The following CDH18 variants were observed in gnomAD, a reference collection of about 807,000 sequenced individuals.
The protein encoded by CDH18 is cadherin-18.
A neutral mutation model predicts 67.9 loss-of-function variants in CDH18; 31 were observed. That is an observed-to-expected ratio of 0.46 (90% CI 0.34 to 0.62). The LOEUF (loss-of-function observed/expected upper bound fraction) is 0.62, where lower values mean the gene tolerates loss of function less well. Among genes scored for constraint, CDH18 ranks in the 20% least tolerant of loss-of-function variants. The pLI, the probability that CDH18 is intolerant of heterozygous loss-of-function variation, is 0.01. For synonymous variants in CDH18, 362 were observed against 347.2 expected, an observed-to-expected ratio of 1.04 and a Z score of -0.48; for missense variants, 890 against 975.5, an observed-to-expected ratio of 0.91 and a Z score of 1.17.
chr5:20,123,139 T>C (rs1347603955), intron 2 of CDH18, among the ~76,000 whole-genome samples: 1 of 151,744 alleles, frequency 6.6e-6, no homozygotes, highest in Non-Finnish European at 1.5e-5. Flanking sequence ...TTCCAAAATA[T>C]ATGGGGACTC....
chr5:20,354,572 T>G (rs1019314814), intron 1 of CDH18, among the ~76,000 whole-genome samples: 1 of 152,064 alleles, frequency 6.6e-6, no homozygotes, highest in Non-Finnish European at 1.5e-5. Context: ...TGGCGATTTT[T>G]TGTACAGGCA....
chr5:19,550,236 T>C (rs1737161861), intron 8 of CDH18, among the ~76,000 whole-genome samples: 1 of 152,248 alleles, frequency 6.6e-6, no homozygotes, highest in African/African-American at 2.4e-5. Flanking sequence ...TTATTCACCA[T>C]GTTAGACTTT....
intron 2 of CDH18, among the ~76,000 whole-genome samples, chr5:20,214,379 C>A (rs1740593713): frequency 6.6e-6 from 1 of 151,882 alleles, no homozygotes; most frequent in African/African-American, 2.4e-5. Context: ...CCCCTAATAC[C>A]AAGGCAGTCC....
chr5:19,652,221 T>G (rs1755681809), intron 5 of CDH18, among the ~76,000 whole-genome samples: 1 of 152,092 alleles, frequency 6.6e-6, no homozygotes, highest in Admixed American at 6.6e-5. Context: ...TGGGAATTTT[T>G]ATGTTATTAG....
chr5:19,894,752 A>T (rs1789124643), intron 2 of CDH18, among the ~76,000 whole-genome samples: 1 of 152,160 alleles, frequency 6.6e-6, no homozygotes, highest in South Asian at 2.1e-4. Flanking sequence ...GAAAGTCAGT[A>T]ACATTTGACC....
At chr5:20,341,867 AAGG>A (rs1235390480) in intron 1 of CDH18, among the ~76,000 whole-genome samples, 1 of 152,152 alleles carries the variant, frequency 6.6e-6, no homozygotes, top group Non-Finnish European at 1.5e-5. Flanking sequence ...CATGAGAAGC[AAGG>A]AGTTTAGTGA....
chr5:19,647,208 G>C (rs762878142), intron 5 of CDH18, among the ~76,000 whole-genome samples: 30 of 151,840 alleles, frequency 2.0e-4, no homozygotes, highest in Non-Finnish European at 3.4e-4. Context: ...TCTGGTATTA[G>C]AAAATAATGT....
intron 10 of CDH18, among the ~76,000 whole-genome samples, chr5:19,515,217 G>T (rs546358233): frequency 1.3e-5 from 2 of 152,094 alleles, no homozygotes; most frequent in Non-Finnish European, 2.9e-5. Context: ...CTCTGTTTTG[G>T]TACCAGTACC....
chr5:19,859,347 T>C (rs1422139925), intron 2 of CDH18, among the ~76,000 whole-genome samples: 2 of 152,136 alleles, frequency 1.3e-5, no homozygotes, highest in Admixed American at 6.6e-5. Context: ...GACCCTAGTA[T>C]AGCATCAGAT....
At chr5:20,046,376 T>A (rs1344191826) in intron 2 of CDH18, among the ~76,000 whole-genome samples, 1 of 151,826 alleles carries the variant, frequency 6.6e-6, no homozygotes, top group Non-Finnish European at 1.5e-5. Context: ...AAAGCAATGT[T>A]TCATATGTAT....
chr5:20,561,053 A>T, intron 1 of CDH18, among the ~76,000 whole-genome samples: 1 of 152,126 alleles, frequency 6.6e-6, no homozygotes, highest in Admixed American at 6.6e-5. Flanking sequence ...TAAAACAATG[A>T]GATACTGCTA....
intron 1 of CDH18, among the ~76,000 whole-genome samples, chr5:20,495,442 T>C (rs1561063096): frequency 6.6e-6 from 1 of 152,214 alleles, no homozygotes; most frequent in South Asian, 2.1e-4. Flanking sequence ...TAAAGCCTGC[T>C]TCAGAAATAA....
rs150193373 is a variant in CDH18 at position 19,634,672 on chromosome 5, C to T, written c.644-22071G>A. Among the ~76,000 whole-genome samples the T allele has an allele frequency of 7.4e-3, 1,120 of 152,072 alleles. 15 individuals carry two copies. The highest frequency in any genetic ancestry group is 0.025 in the African/African-American group (1,057 of 41,486). ...TTTGGATAGGCTGGGTGCAGTGGCT[C>T]ATGCATGTAATCCCAGCACTTTGGG... On this transcript the variant is annotated intron_variant, in intron 5 of 12. Transcript: ENST00000382275.
intron 2 of CDH18, among the ~76,000 whole-genome samples, chr5:20,153,144 G>C (rs1406339056): frequency 2.6e-5 from 4 of 151,636 alleles, no homozygotes; most frequent in Non-Finnish European, 5.9e-5. Flanking sequence ...GGGTTTCACT[G>C]CGTTAGCCAG....
chr5:20,319,081 C>T (rs1737740727), intron 1 of CDH18, among the ~76,000 whole-genome samples: 1 of 152,138 alleles, frequency 6.6e-6, no homozygotes, highest in Non-Finnish European at 1.5e-5. Flanking sequence ...TCTTTTTTAT[C>T]ACTTCCTCAC....
At chr5:19,704,141 T>A (rs1763644344) in intron 5 of CDH18, among the ~76,000 whole-genome samples, 1 of 152,156 alleles carries the variant, frequency 6.6e-6, no homozygotes. Context: ...AGCAGCTTAT[T>A]GGGTGAATCA....
intron 1 of CDH18, among the ~76,000 whole-genome samples, chr5:19,986,474 A>G (rs982860348): frequency 2.3e-4 from 35 of 152,294 alleles, no homozygotes; most frequent in Non-Finnish European, 4.9e-4. Flanking sequence ...AATCTTGACC[A>G]TTGGTATCAG....
chr5:19,553,124 C>G (rs1737760259), intron 8 of CDH18, among the ~76,000 whole-genome samples: 1 of 152,072 alleles, frequency 6.6e-6, no homozygotes, highest in Non-Finnish European at 1.5e-5. Flanking sequence ...CTACTTTAAA[C>G]AAACCATGCA....
chr5:19,747,219 G>A lies in CDH18; in HGVS notation c.246C>T (p.Asp82=). The A allele has an allele frequency of 6.2e-7, 1 of 1,613,420 alleles. No individual in the cohort carries two copies. The highest frequency in any genetic ancestry group is 8.5e-7 in the Non-Finnish European group (1 of 1,179,508). The change falls in exon 4 of 13, where the codon GAC becomes GAT. Residue 82 remains aspartate (D), a synonymous_variant. Transcript: ENST00000382275. ...QYVGKLHSNS[D]KGDGSVKYIL... ...TGTACTTGACAGATCCATCACCTTT[G>A]TCAGAATTGGAGTGCAGCTGTGAAA...
Sources: allele counts gnomAD v4.1 joint callset (sites outside exome capture counted in the v4.1 genomes callset), GRCh38; gene constraint gnomAD v4.1.1; transcripts MANE v1.5; gene names NCBI Gene and HGNC (gene_info 2026-07-23, HGNC 2026-07-21).